STXBP4: variants seen among roughly 807,000 people sequenced by gnomAD.
STXBP4 encodes syntaxin-binding protein 4.
A neutral mutation model predicts 76.1 loss-of-function variants in STXBP4; 55 were observed. That is an observed-to-expected ratio of 0.72 (90% CI 0.58 to 0.91). The LOEUF (loss-of-function observed/expected upper bound fraction) is 0.91. STXBP4 is among the 40% of genes least tolerant of loss of function. The probability of loss-of-function intolerance (pLI) is 0.00; values close to 1 mark genes in which losing one functional copy is unlikely to be tolerated. For missense variants in STXBP4, 618 were observed against 636.9 expected (o/e 0.97, Z 0.32); for synonymous variants, 201 against 220.2 (o/e 0.91, Z 0.77).
At chr17:55,113,722 T>C (rs73325215) in intron 16 of STXBP4, among the ~76,000 whole-genome samples, 2,484 of 152,254 alleles carry the variant, frequency 0.016, 70 homozygotes, top group African/African-American at 0.057. Flanking sequence ...TAACCCACCA[T>C]GGAGAGGCAA....
Position 55,055,379 on chromosome 17 carries a change from G to C in STXBP4, c.1011+8225G>C, listed in dbSNP as rs543103417. Among the ~76,000 whole-genome samples, 20 of 152,220 alleles carry C rather than the reference G, an allele frequency of 1.3e-4. No individual in the cohort carries two copies. The South Asian group carries it at 4.2e-3, about 32-fold the overall frequency. ...TTCTTTCATACTCCATAACCAACTTGTTGGGCCTACTTTTTAGAAATCACA... is the reference window on the plus strand; with the variant it reads ...TTCTTTCATACTCCATAACCAACTTCTTGGGCCTACTTTTTAGAAATCACA... On this transcript the variant is annotated intron_variant, in intron 12 of 17. Coordinates refer to ENST00000376352, the MANE Select transcript of STXBP4 (RefSeq NM_178509.6).
At chr17:55,129,542 A>G (rs1475750081) in intron 16 of STXBP4, among the ~76,000 whole-genome samples, 1 of 152,132 alleles carries the variant, frequency 6.6e-6, no homozygotes, top group East Asian at 1.9e-4. Context: ...AGCCTGGGCA[A>G]CACAGGGATA....
chr17:55,084,944 G>T (rs913835410), intron 16 of STXBP4, among the ~76,000 whole-genome samples: 11 of 152,050 alleles, frequency 7.2e-5, no homozygotes, highest in Admixed American at 4.6e-4. Flanking sequence ...CAATAGCAAA[G>T]ACTTGGAACC....
At chr17:55,007,460 G>T (rs532283353) in intron 7 of STXBP4, 46 bp from the exon 8 acceptor site, 17 of 1,398,978 alleles carry the variant, frequency 1.2e-5, no homozygotes, top group East Asian at 2.3e-5. Context: ...TAAAAATTTC[G>T]ATTCCAATTA....
At chr17:55,091,184 G>T (rs1416011803) in intron 16 of STXBP4, among the ~76,000 whole-genome samples, 4 of 152,134 alleles carry the variant, frequency 2.6e-5, no homozygotes, top group African/African-American at 7.2e-5. Flanking sequence ...AAAGTTGAAA[G>T]TAAACATTTC....
intron 12 of STXBP4, among the ~76,000 whole-genome samples, chr17:55,061,014 A>C (rs143673361): frequency 6.6e-6 from 1 of 152,314 alleles, no homozygotes; most frequent in East Asian, 1.9e-4. Context: ...CTCTGGGTTC[A>C]GATAAGCCCA....
chr17:55,175,893 G>A (rs2080428307), downstream of STXBP4, among the ~76,000 whole-genome samples: 1 of 152,198 alleles, frequency 6.6e-6, no homozygotes, highest in South Asian at 2.1e-4. Context: ...CAACCCAAAA[G>A]CATTCAGCAG....
intron 4 of STXBP4, among the ~76,000 whole-genome samples, chr17:54,997,577 A>AT (rs2077828814): frequency 6.9e-6 from 1 of 145,416 alleles, no homozygotes; most frequent in African/African-American, 2.5e-5. Context: ...ATATAATATA[A>AT]ATATATATAT....
intron 8 of STXBP4, 138 bp from the exon 9 acceptor site, chr17:55,031,030 C>A: frequency 1.7e-6 from 1 of 597,372 alleles, no homozygotes; most frequent in Non-Finnish European, 2.9e-6. Context: ...CCATAAAGAG[C>A]TGACTTCCCT....
In STXBP4 at chr17:54,988,256, T is replaced by G. The variant is rs971369063; in HGVS notation, c.47+1990T>G. Among the ~76,000 whole-genome samples the G allele has an allele frequency of 2.0e-5, 3 of 152,268 alleles. No homozygotes were observed. The South Asian group carries it at 6.2e-4, about 32-fold the overall frequency. ...AGAAAACGTATTAGCAGCAATAAAC[T>G]GCTGTGTTAATAATACTTTGTTGGG... On this transcript the variant is annotated intron_variant, in intron 3 of 17. Coordinates refer to ENST00000376352, the MANE Select transcript of STXBP4 (RefSeq NM_178509.6).
At chr17:55,103,925 G>GT (rs1248465122) in intron 16 of STXBP4, among the ~76,000 whole-genome samples, 2 of 152,128 alleles carry the variant, frequency 1.3e-5, no homozygotes, top group African/African-American at 4.8e-5. Flanking sequence ...GCAGCTCTCT[G>GT]TTTGTCTATT....
chr17:55,131,069 G>A (rs1417183138), intron 16 of STXBP4, among the ~76,000 whole-genome samples: 1 of 152,146 alleles, frequency 6.6e-6, no homozygotes, highest in Non-Finnish European at 1.5e-5. Context: ...AGTAATTTTA[G>A]TTTTAGTTTT....
At chr17:55,202,213 C>T in the STXBP4 span, among the ~76,000 whole-genome samples, 1 of 152,098 alleles carries the variant, frequency 6.6e-6, no homozygotes, top group Non-Finnish European at 1.5e-5. Flanking sequence ...TCTACCAACT[C>T]AGCCTTTCCA....
chr17:54,994,876 A>T (rs2077775479), intron 4 of STXBP4, among the ~76,000 whole-genome samples: 1 of 147,088 alleles, frequency 6.8e-6, no homozygotes, highest in African/African-American at 2.5e-5. Flanking sequence ...CCTTTCCCCC[A>T]TTATTTCCAG....
chr17:55,092,677 G>A (rs1224600500), intron 16 of STXBP4, among the ~76,000 whole-genome samples: 10 of 152,208 alleles, frequency 6.6e-5, no homozygotes, highest in Non-Finnish European at 1.5e-4. Context: ...AGAAGAATGT[G>A]AGTAGTAGCT....
In STXBP4 at chr17:55,168,190, T is replaced by G. The variant is rs574884193; in HGVS notation, c.*8279T>G. 1.7e-4 allele frequency: 26 copies of G among 150,548 alleles called. No homozygotes were observed. In the South Asian group the frequency reaches 5.1e-3, roughly 29 times the overall value. The allele number at this position is 150,548 out of a possible 1,614,324, so 9.3% of individuals were successfully genotyped here. A position where few individuals can be genotyped will look rare whatever the true frequency, so the allele number is the denominator to read the frequency against. On this transcript the variant is annotated 3_prime_UTR_variant, in exon 18 of 18. Transcript: ENST00000376352. ...AATGCATACATACACACACATACAC[T>G]TAGTATATGTGTGTGTGTGTGTGTG...
the STXBP4 span, among the ~76,000 whole-genome samples, chr17:55,212,994 C>T: frequency 6.6e-6 from 1 of 152,120 alleles, no homozygotes; most frequent in Middle Eastern, 3.2e-3. Context: ...AAAGTAGCTC[C>T]ACTGGGGCCA....
intron 3 of STXBP4, among the ~76,000 whole-genome samples, chr17:54,987,033 T>G (rs949872433): frequency 6.6e-6 from 1 of 152,202 alleles, no homozygotes; most frequent in Non-Finnish European, 1.5e-5. Flanking sequence ...TTCCTCACAT[T>G]TGCTGGTATC....
the STXBP4 span, among the ~76,000 whole-genome samples, chr17:55,186,611 C>T: frequency 2.6e-3 from 393 of 152,170 alleles, 1 homozygote; most frequent in Non-Finnish European, 4.1e-3. Flanking sequence ...AGTTGAAGAT[C>T]AAAAATGAAT....
Sources: gnomAD v4.1 joint callset for allele counts (sites outside exome capture counted in the v4.1 genomes callset) on GRCh38, gnomAD v4.1.1 for gene constraint, MANE v1.5 for transcripts, NCBI Gene and HGNC (gene_info 2026-07-23, HGNC 2026-07-21) for gene names.